Variants in PRSS55 observed in about 807,000 individuals in gnomAD.
The protein encoded by PRSS55 is serine protease 55, also known as probable serine protease UNQ9391/PRO34284.
In PRSS55, 41 loss-of-function variants were observed where a neutral mutation model predicts 23.6. The ratio of observed to expected loss-of-function variants is 1.74; its 90% CI spans 1.35 to 2.26. PRSS55 has a LOEUF of 2.26. PRSS55 is among the 30% of genes most tolerant of loss of function. The pLI is 0.00. For synonymous variants in PRSS55, 262 were observed against 175.5 expected (o/e 1.49, Z -3.90); for missense variants, 669 against 439.1 (o/e 1.52, Z -4.68).
chr8:10,538,697 C>G lies in PRSS55; in HGVS notation c.963C>G (p.Gly321=), dbSNP rs1812545920. Residue 321 remains glycine (G), a synonymous_variant, in exon 5 of 5, where the codon GGC becomes GGG. Coordinates refer to ENST00000328655, the MANE Select transcript of PRSS55 (RefSeq NM_198464.4). The part of the protein sequence containing the change: ...RRTSVKQKPM[G]SPVSGVPEPG... The stretch of plus-strand genomic sequence containing the variant: ...CTTCTGTCAAACAGAAACCTATGGG[C>G]TCCCCAGTCTCGGGAGTCCCAGAGC... 1 of 1,614,144 alleles carries G rather than the reference C, an allele frequency of 6.2e-7. No individual in the cohort carries two copies. Among genetic ancestry groups the G allele is most frequent in the Middle Eastern group, 1.6e-4 (1 of 6,062 alleles).
intron 1 of PRSS55, 39 bp downstream of exon 1, chr8:10,525,778 T>C (rs1452786195): frequency 1.3e-6 from 2 of 1,542,202 alleles, no homozygotes; most frequent in Admixed American, 1.9e-5. Context: ...TGGGGGCTCA[T>C]GGTCCAGCTG....
chr8:10,546,769 A>C (rs1812828609), intron 4 of PRSS55, among the ~76,000 whole-genome samples: 1 of 152,004 alleles, frequency 6.6e-6, no homozygotes, highest in African/African-American at 2.4e-5. Flanking sequence ...CTGAAGCCTC[A>C]CCCTTCCAGG....
At chr8:10,539,371 C>G (rs181169311), downstream of PRSS55, among the ~76,000 whole-genome samples, 16 of 152,352 alleles carry the variant, frequency 1.1e-4, no homozygotes, top group Admixed American at 4.6e-4. Context: ...GATGAACCAC[C>G]ACGCTGCCCA....
intron 4 of PRSS55, among the ~76,000 whole-genome samples, chr8:10,545,700 C>T (rs186436242): frequency 1.6e-3 from 251 of 152,196 alleles, no homozygotes; most frequent in Non-Finnish European, 2.5e-3. Context: ...CGGTGTGGCT[C>T]GTAAATCATC....
intron 4 of PRSS55, among the ~76,000 whole-genome samples, chr8:10,552,577 G>C (rs776980367): frequency 6.6e-6 from 1 of 152,190 alleles, no homozygotes; most frequent in Non-Finnish European, 1.5e-5. Flanking sequence ...CAACTCAGTA[G>C]TAAGAAAACA....
downstream of PRSS55, chr8:10,538,852 C>A: frequency 6.8e-7 from 1 of 1,464,646 alleles, no homozygotes; most frequent in Non-Finnish European, 9.1e-7. Context: ...GCGTCTCCAG[C>A]AGAGGCTCTG....
chr8:10,529,776 G>A (rs1812182736), intron 2 of PRSS55, 77 bp downstream of exon 2: 3 of 1,410,104 alleles, frequency 2.1e-6, no homozygotes, highest in African/African-American at 1.4e-5. Context: ...CCCACACCTG[G>A]TGGCTGAGAG....
At chr8:10,538,930 T>A, downstream of PRSS55, 1 of 873,422 alleles carries the variant, frequency 1.1e-6, no homozygotes, top group South Asian at 2.0e-5. Context: ...TCACCCTGGG[T>A]CCCTGGTTTG....
At chr8:10,528,269 C>T (rs960554733) in intron 1 of PRSS55, among the ~76,000 whole-genome samples, 2 of 151,608 alleles carry the variant, frequency 1.3e-5, no homozygotes, top group African/African-American at 2.4e-5. Context: ...GCTCTGGATG[C>T]ACATTGCTAA....
Position 10,531,337 on chromosome 8 carries a change from T to G in PRSS55, c.390T>G (p.Thr130=), listed in dbSNP as rs745612480. ...LSVVLGTNDL[T]SPSMEIKEVA... is the part of the protein sequence containing the mutation. ...TCGTGCTGGGGACCAACGACTTAAC[T>G]AGCCCATCCATGGAAATAAAGGAGG... Residue 130 remains threonine (T), a synonymous_variant, in exon 3 of 5, where the codon ACT becomes ACG. Coordinates refer to ENST00000328655, the MANE Select transcript of PRSS55 (RefSeq NM_198464.4). 3.3e-5 allele frequency: 53 copies of G among 1,614,016 alleles called. No individual in the cohort carries two copies. The highest frequency in any genetic ancestry group is 4.1e-5 in the Non-Finnish European group (48 of 1,180,038).
rs938732410 is a variant in PRSS55 at position 10,528,829 on chromosome 8, G to A, written c.155-678G>A. Among the ~76,000 whole-genome samples the A allele has an allele frequency of 3.9e-5, 6 of 152,328 alleles. No individual in the cohort carries two copies. In the East Asian group the frequency reaches 7.7e-4, roughly 20 times the overall value. On this transcript the variant is annotated intron_variant, in intron 1 of 4. Transcript: ENST00000328655. ...CTGCGTTCCTACTGGACGCTCTAGG[G>A]GAAAATTATTTGCCTTTCCACTTCC...
intron 3 of PRSS55, 25 bp downstream of exon 3, chr8:10,531,570 G>A (rs1812268238): frequency 3.7e-6 from 6 of 1,609,748 alleles, no homozygotes; most frequent in Non-Finnish European, 5.1e-6. Flanking sequence ...AGCTTCCCCT[G>A]GGGAAAAAGC....
rs373769089 is a variant in PRSS55, at chr8:10,529,718, C to T, written c.347+19C>T. The stretch of plus-strand genomic sequence containing the variant: ...AGCTGTTGTAAGTACCATGGGCCTC[C>T]CACTGCCACCTCTCAGGGCGCCCAC... On this transcript the variant is annotated intron_variant, in intron 2 of 4. Coordinates refer to ENST00000328655, the MANE Select transcript of PRSS55 (RefSeq NM_198464.4). 1 of 1,601,260 alleles carries T rather than the reference C, an allele frequency of 6.2e-7. No homozygotes were observed. The highest frequency in any genetic ancestry group is 8.5e-7 in the Non-Finnish European group (1 of 1,171,052).
At chr8:10,528,708 C>A (rs1003425338) in intron 1 of PRSS55, among the ~76,000 whole-genome samples, 2 of 152,226 alleles carry the variant, frequency 1.3e-5, no homozygotes, top group African/African-American at 4.8e-5. Context: ...GACCACACAC[C>A]TGGCGGCTTA....
chr8:10,550,961 CATTCTTCTG>C (rs1362610047), intron 4 of PRSS55, among the ~76,000 whole-genome samples: 1 of 152,226 alleles, frequency 6.6e-6, no homozygotes, highest in African/African-American at 2.4e-5. Context: ...CCCACTAAAA[CATTCTTCTG>C]CCCCAACAGC....
intron 4 of PRSS55, among the ~76,000 whole-genome samples, chr8:10,553,738 T>G (rs1406894129): frequency 3.3e-5 from 5 of 152,220 alleles, no homozygotes. Flanking sequence ...GTTAATACAG[T>G]AATAATGTAT....
At chr8:10,531,876 A>C (rs560403518) in intron 3 of PRSS55, among the ~76,000 whole-genome samples, 43 of 152,256 alleles carry the variant, frequency 2.8e-4, no homozygotes, top group Middle Eastern at 3.4e-3. Context: ...TATGTTTCCT[A>C]CCTGGCTCCT....
chr8:10,538,042 C>T (rs369172335), intron 4 of PRSS55, among the ~76,000 whole-genome samples: 5 of 152,330 alleles, frequency 3.3e-5, no homozygotes, highest in African/African-American at 1.2e-4. Context: ...TGTGCTTCTG[C>T]AAGAACACAA....
intron 4 of PRSS55, among the ~76,000 whole-genome samples, chr8:10,548,327 A>T (rs903366379): frequency 6.6e-6 from 1 of 152,098 alleles, no homozygotes; most frequent in Non-Finnish European, 1.5e-5. Flanking sequence ...TGGGGCAGCC[A>T]GGCAGGTGAC....
Sources: gnomAD v4.1 joint callset for allele counts (sites outside exome capture counted in the v4.1 genomes callset) on GRCh38, gnomAD v4.1.1 for gene constraint, MANE v1.5 for transcripts, NCBI Gene and HGNC (gene_info 2026-07-23, HGNC 2026-07-21) for gene names.